Variants in SNRPG observed in about 807,000 individuals in gnomAD.
SNRPG encodes the protein small nuclear ribonucleoprotein polypeptide G.
SNRPG carries 3 observed loss-of-function variants against 13.9 expected under a neutral mutation model. That is an observed-to-expected ratio of 0.22 (90% CI 0.10 to 0.56). The LOEUF is 0.56. Among genes scored for constraint, SNRPG ranks in the 20% least tolerant of loss-of-function variants. The probability of loss-of-function intolerance (pLI) is 0.93; values close to 1 mark genes in which losing one functional copy is unlikely to be tolerated. For synonymous variants in SNRPG, 29 were observed against 29.3 expected (o/e 0.99, Z 0.03); for missense variants, 34 against 96.1 (o/e 0.35, Z 2.70).
intron 3 of SNRPG, among the ~76,000 whole-genome samples, chr2:70,287,624 CAGAA>C (rs1488244046): frequency 1.3e-5 from 2 of 152,164 alleles, no homozygotes; most frequent in African/African-American, 4.8e-5. Context: ...CAAGTAAAAT[CAGAA>C]AGTGTTACCT....
intron 1 of SNRPG, chr2:70,293,216 C>T (rs1697148525): frequency 7.1e-6 from 5 of 702,274 alleles, no homozygotes; most frequent in African/African-American, 7.0e-5. Context: ...TTTAAAAACA[C>T]TTCCTTCCCT....
intron 3 of SNRPG, among the ~76,000 whole-genome samples, chr2:70,286,515 A>G (rs1028518166): frequency 2.7e-5 from 4 of 150,572 alleles, no homozygotes; most frequent in Admixed American, 2.0e-4. Flanking sequence ...GCTGATAAAA[A>G]CTTTTTTTTT....
At chr2:70,289,235 G>C in intron 2 of SNRPG, 115 bp downstream of exon 2, 1 of 612,272 alleles carries the variant, frequency 1.6e-6, no homozygotes, top group Non-Finnish European at 2.9e-6. Flanking sequence ...TTACAGCCGT[G>C]AGCCATCGCG....
chr2:70,284,993 T>C (rs1478801868), intron 3 of SNRPG, among the ~76,000 whole-genome samples: 1 of 152,174 alleles, frequency 6.6e-6, no homozygotes, highest in Non-Finnish European at 1.5e-5. Context: ...TTGTCTAGCA[T>C]CTCCATGCTG....
chr2:70,288,037 T>A (rs1465313917), intron 3 of SNRPG, 31 bp downstream of exon 3: 2 of 1,606,604 alleles, frequency 1.2e-6, no homozygotes, highest in Non-Finnish European at 1.7e-6. Flanking sequence ...AAAAATGAAA[T>A]CTCCAAGAGA....
chr2:70,284,393 A>AT (rs900249633), intron 3 of SNRPG, among the ~76,000 whole-genome samples: 2 of 151,928 alleles, frequency 1.3e-5, no homozygotes, highest in South Asian at 2.1e-4. Flanking sequence ...TTTAATTATT[A>AT]TTTTTTTTGA....
intron 3 of SNRPG, chr2:70,287,825 CAA>C: frequency 1.9e-6 from 1 of 526,212 alleles, no homozygotes. Context: ...GAATAAAGCT[CAA>C]AAAGGATTTC....
intron 1 of SNRPG, among the ~76,000 whole-genome samples, chr2:70,292,248 T>C (rs1042104007): frequency 6.6e-6 from 1 of 150,790 alleles, no homozygotes; most frequent in Non-Finnish European, 1.5e-5. Flanking sequence ...GTTGGGCTTA[T>C]GTTTTAATAA....
At chr2:70,290,018 T>G (rs1405198382) in intron 1 of SNRPG, among the ~76,000 whole-genome samples, 1 of 151,382 alleles carries the variant, frequency 6.6e-6, no homozygotes, top group Non-Finnish European at 1.5e-5. Context: ...TTTTTTTTTT[T>G]TTTAAGAGAT....
chr2:70,293,071 G>A (rs938905819), intron 1 of SNRPG: 1 of 700,702 alleles, frequency 1.4e-6, no homozygotes, highest in African/African-American at 1.8e-5. Flanking sequence ...ATCAGAGCAA[G>A]ATAACACATG....
chr2:70,285,816 C>CTATG (rs994731198), intron 3 of SNRPG, among the ~76,000 whole-genome samples: 5 of 152,136 alleles, frequency 3.3e-5, no homozygotes, highest in African/African-American at 4.8e-5. Flanking sequence ...AGTGCCTGAA[C>CTATG]TATGTAACAT....
chr2:70,293,194 G>A (rs1383433191), intron 1 of SNRPG: 2 of 702,306 alleles, frequency 2.8e-6, no homozygotes, highest in Non-Finnish European at 5.2e-6. Context: ...GGATTCTGAT[G>A]CCTCACGTAG....
At chr2:70,291,058 C>T (rs911424934) in intron 1 of SNRPG, among the ~76,000 whole-genome samples, 26 of 136,212 alleles carry the variant, frequency 1.9e-4, no homozygotes, top group East Asian at 8.7e-4. Context: ...CACACACACA[C>T]ATATATGAAG....
intron 3 of SNRPG, among the ~76,000 whole-genome samples, chr2:70,283,359 G>T (rs1459837711): frequency 6.6e-6 from 1 of 152,030 alleles, no homozygotes; most frequent in Non-Finnish European, 1.5e-5. Flanking sequence ...GGTAATGTAG[G>T]GGAGAGAAAG....
chr2:70,283,945 C>T (rs980183957), intron 3 of SNRPG, among the ~76,000 whole-genome samples: 2 of 152,172 alleles, frequency 1.3e-5, no homozygotes, highest in African/African-American at 4.8e-5. Flanking sequence ...GTGGTTCCAG[C>T]TACTCGGGAG....
intron 3 of SNRPG, among the ~76,000 whole-genome samples, chr2:70,283,122 A>AAAAAAAAAAAAAACAAC (rs1241967786): frequency 1.2e-5 from 1 of 82,962 alleles, no homozygotes; most frequent in Non-Finnish European, 2.5e-5. Context: ...AAAAAAAAAA[A>AAAAAAAAAAAAAACAAC]AACAACAAAC....
At position 70,281,509 on chromosome 2, in the gene SNRPG, G is replaced by C; in HGVS notation, c.*125C>G. On this transcript the variant is annotated 3_prime_UTR_variant, in exon 4 of 4. Coordinates refer to ENST00000272348, the MANE Select transcript of SNRPG (RefSeq NM_003096.4). ...TCAGAACATCTGAGAAAGCATTTTT[G>C]ACTATTACAAAAGTTTATTTAACAA... The C allele has an allele frequency of 2.0e-6, 1 of 500,468 alleles. No individual in the cohort carries two copies. Among genetic ancestry groups the C allele is most frequent in the Non-Finnish European group, 3.6e-6 (1 of 277,532 alleles). The allele number at this position is 500,468 out of a possible 1,614,324, so 31.0% of individuals were successfully genotyped here.
At chr2:70,291,141 G>A (rs1559046032) in intron 1 of SNRPG, 4 of 151,574 alleles carry the variant, frequency 2.6e-5, no homozygotes, top group Non-Finnish European at 5.9e-5. Context: ...TCTTTACAAC[G>A]ACTTTGCAAT....
At chr2:70,292,962 G>A (rs1697139407) in intron 1 of SNRPG, 3 of 588,252 alleles carry the variant, frequency 5.1e-6, no homozygotes, top group Non-Finnish European at 9.0e-6. Flanking sequence ...GACTTTACTG[G>A]GTGTGTAGAA....
Sources: gnomAD v4.1 joint callset for allele counts (sites outside exome capture counted in the v4.1 genomes callset) on GRCh38, gnomAD v4.1.1 for gene constraint, MANE v1.5 for transcripts, NCBI Gene and HGNC (gene_info 2026-07-23, HGNC 2026-07-21) for gene names.